Variants in FHIT observed in about 807,000 individuals in gnomAD.
FHIT encodes the protein fragile histidine triad diadenosine triphosphatase, also known as bis(5'-adenosyl)-triphosphatase.
A neutral mutation model predicts 17.9 loss-of-function variants in FHIT; 19 were observed. That is an observed-to-expected ratio of 1.06 (90% CI 0.74 to 1.56). FHIT has a LOEUF of 1.56. FHIT is among the 40% of genes most tolerant of loss of function. The probability of loss-of-function intolerance (pLI) is 0.00; values close to 1 mark genes in which losing one functional copy is unlikely to be tolerated. For synonymous variants in FHIT, 81 were observed against 69.7 expected (o/e 1.16, Z -0.81); for missense variants, 248 against 189.2 (o/e 1.31, Z -1.82).
At chr3:60,241,094 A>G (rs1705106794) in intron 5 of FHIT, among the ~76,000 whole-genome samples, 1 of 152,172 alleles carries the variant, frequency 6.6e-6, no homozygotes, top group South Asian at 2.1e-4. Flanking sequence ...AACAGTTTTT[A>G]GGAAACGGGG....
intron 8 of FHIT, among the ~76,000 whole-genome samples, chr3:59,788,996 G>A (rs758888058): frequency 2.7e-5 from 4 of 148,738 alleles, no homozygotes; most frequent in Admixed American, 2.1e-4. Context: ...CACTATGACA[G>A]CCCCGCTAAG....
chr3:60,300,636 A>G (rs1157456509), intron 5 of FHIT, among the ~76,000 whole-genome samples: 1 of 152,152 alleles, frequency 6.6e-6, no homozygotes, highest in East Asian at 1.9e-4. Context: ...AGATATAAAT[A>G]AAGGGCATGT....
rs530305562 is a variant in FHIT at position 60,174,095 on chromosome 3, G to T, written c.104-159943C>A. Among the ~76,000 whole-genome samples, 215 of 150,652 alleles carry T rather than the reference G, an allele frequency of 1.4e-3. 2 individuals are homozygous for T. Among genetic ancestry groups the T allele is most frequent in the South Asian group, 4.9e-3 (23 of 4,720 alleles). Reference sequence around the variant, plus strand: ...CGCCCAGCTAATTTTTGTATTTTTAGTAGAGACAGTTTCACCATGTTGGCC... The same window carrying T: ...CGCCCAGCTAATTTTTGTATTTTTATTAGAGACAGTTTCACCATGTTGGCC... On this transcript the variant is annotated intron_variant, in intron 5 of 9. Transcript: ENST00000492590.
intron 5 of FHIT, among the ~76,000 whole-genome samples, chr3:60,142,010 T>TG (rs1576190257): frequency 6.6e-6 from 1 of 152,074 alleles, no homozygotes. Flanking sequence ...ATGACAGACA[T>TG]GGGGGGATAA....
chr3:61,232,918 A>G (rs980972658), intron 1 of FHIT, among the ~76,000 whole-genome samples: 4 of 152,246 alleles, frequency 2.6e-5, no homozygotes, highest in Non-Finnish European at 5.9e-5. Context: ...GTATTGTACA[A>G]TATCTTTATA....
intron 3 of FHIT, among the ~76,000 whole-genome samples, chr3:61,034,970 G>GAATA (rs1361497952): frequency 5.3e-4 from 81 of 152,194 alleles, no homozygotes; most frequent in African/African-American, 1.9e-3. Context: ...CCTAAGAAAG[G>GAATA]AATAAACTTC....
At chr3:60,898,050 T>C (rs1183085522) in intron 3 of FHIT, among the ~76,000 whole-genome samples, 2 of 152,156 alleles carry the variant, frequency 1.3e-5, no homozygotes, top group East Asian at 3.8e-4. Context: ...CTGTTAATAT[T>C]TTAGGGCATA....
At chr3:59,900,760 C>T (rs151267083) in intron 8 of FHIT, among the ~76,000 whole-genome samples, 365 of 152,164 alleles carry the variant, frequency 2.4e-3, no homozygotes, top group African/African-American at 8.3e-3. Flanking sequence ...ATTACAGGCA[C>T]CCACCACCAT....
intron 2 of FHIT, among the ~76,000 whole-genome samples, chr3:61,156,692 T>C (rs1403284814): frequency 6.6e-6 from 1 of 152,224 alleles, no homozygotes; most frequent in African/African-American, 2.4e-5. Context: ...ACCACTCACT[T>C]ATGGTATAAT....
Position 60,773,441 on chromosome 3 carries a change from T to C in FHIT, c.-18+48478A>G, listed in dbSNP as rs77030324. ...TCACTAATGAAACATTCCTTGTTCA[T>C]TGCATTAGTCTTTATAATCACAATA... On this transcript the variant is annotated intron_variant, in intron 4 of 9. Coordinates refer to ENST00000492590, the MANE Select transcript of FHIT (RefSeq NM_002012.4). 2.8e-4 allele frequency among the ~76,000 whole-genome samples: 43 copies of C among 152,366 alleles called. No individual in the cohort carries two copies. The East Asian group carries it at 3.1e-3, about 11-fold the overall frequency.
intron 4 of FHIT, among the ~76,000 whole-genome samples, chr3:60,631,945 A>G (rs2039454682): frequency 6.6e-6 from 1 of 152,168 alleles, no homozygotes; most frequent in African/African-American, 2.4e-5. Context: ...TGGGCAGACT[A>G]CCAGCATCTT....
intron 4 of FHIT, among the ~76,000 whole-genome samples, chr3:60,646,015 T>C (rs1280465206): frequency 6.6e-6 from 1 of 152,222 alleles, no homozygotes; most frequent in African/African-American, 2.4e-5. Context: ...TAACTAGCTA[T>C]TGGTGACATT....
intron 2 of FHIT, among the ~76,000 whole-genome samples, chr3:61,187,842 C>A (rs2038570561): frequency 1.3e-5 from 2 of 152,118 alleles, no homozygotes; most frequent in African/African-American, 4.8e-5. Flanking sequence ...CTGAGTACAT[C>A]ACGAAATGAA....
chr3:61,046,352 CT>C (rs1358601557), intron 2 of FHIT, among the ~76,000 whole-genome samples: 4 of 152,146 alleles, frequency 2.6e-5, no homozygotes, highest in Admixed American at 2.6e-4. Context: ...TCAGAGAGTA[CT>C]ATAAACACCT....
chr3:60,352,871 G>A (rs73107051), intron 5 of FHIT, among the ~76,000 whole-genome samples: 20,308 of 151,962 alleles, frequency 0.13, 1,476 homozygotes, highest in Non-Finnish European at 0.16. Flanking sequence ...CCAGGAAATA[G>A]GGGAGCTCTT....
chr3:60,601,552 C>T (rs181150556), intron 4 of FHIT, among the ~76,000 whole-genome samples: 75 of 152,180 alleles, frequency 4.9e-4, no homozygotes, highest in African/African-American at 1.7e-3. Flanking sequence ...TCAACTCACA[C>T]CAGTTAAGAA....
At chr3:59,782,263 G>A (rs1305832829) in intron 8 of FHIT, among the ~76,000 whole-genome samples, 1 of 151,936 alleles carries the variant, frequency 6.6e-6, no homozygotes, top group Non-Finnish European at 1.5e-5. Flanking sequence ...CATCAATTTT[G>A]TCTAATCAGA....
At chr3:60,900,007 T>G (rs1473791676) in intron 3 of FHIT, among the ~76,000 whole-genome samples, 5 of 152,198 alleles carry the variant, frequency 3.3e-5, no homozygotes, top group African/African-American at 1.2e-4. Context: ...GCAGCTACTT[T>G]GCCTAGCTAA....
intron 5 of FHIT, among the ~76,000 whole-genome samples, chr3:60,094,115 G>T (rs549446873): frequency 6.6e-6 from 1 of 152,130 alleles, no homozygotes; most frequent in Non-Finnish European, 1.5e-5. Context: ...CAGAGAGACA[G>T]TGTTACCCAG....
Sources: gnomAD v4.1 joint callset for allele counts (sites outside exome capture counted in the v4.1 genomes callset) on GRCh38, gnomAD v4.1.1 for gene constraint, MANE v1.5 for transcripts, NCBI Gene and HGNC (gene_info 2026-07-23, HGNC 2026-07-21) for gene names.